The following WWOX variants were observed in gnomAD, a reference collection of about 807,000 sequenced individuals.
The protein encoded by WWOX is WW domain-containing oxidoreductase.
WWOX carries 69 observed loss-of-function variants against 46.2 expected under a neutral mutation model. That is an observed-to-expected ratio of 1.49 (90% CI 1.23 to 1.82). The LOEUF (loss-of-function observed/expected upper bound fraction) is 1.82, where lower values mean the gene tolerates loss of function less well. Ranked by LOEUF, WWOX falls within the 40% of genes most tolerant of loss-of-function variation. The probability of loss-of-function intolerance (pLI) is 0.00; values close to 1 mark genes in which losing one functional copy is unlikely to be tolerated. For missense variants in WWOX, 919 were observed against 542.6 expected, an observed-to-expected ratio of 1.69 and a Z score of -6.89; for synonymous variants, 359 against 202.6, an observed-to-expected ratio of 1.77 and a Z score of -6.56.
At chr16:78,759,096 G>A (rs1458466936) in intron 8 of WWOX, among the ~76,000 whole-genome samples, 1 of 152,114 alleles carries the variant, frequency 6.6e-6, no homozygotes, top group Non-Finnish European at 1.5e-5. Context: ...AGTACAAGTT[G>A]TATATGGGTG....
At chr16:78,991,687 C>G (rs1444175385) in intron 8 of WWOX, among the ~76,000 whole-genome samples, 1 of 151,838 alleles carries the variant, frequency 6.6e-6, no homozygotes, top group African/African-American at 2.4e-5. Flanking sequence ...ACCTCAGTTT[C>G]CTTTCCTATA....
At chr16:78,388,752 C>A (rs1229961120) in intron 6 of WWOX, among the ~76,000 whole-genome samples, 1 of 151,442 alleles carries the variant, frequency 6.6e-6, no homozygotes, top group Non-Finnish European at 1.5e-5. Context: ...GGCGGATCAC[C>A]TGAAGTCAGG....
At chr16:78,848,651 G>A (rs1289121839) in intron 8 of WWOX, among the ~76,000 whole-genome samples, 2 of 152,130 alleles carry the variant, frequency 1.3e-5, no homozygotes, top group African/African-American at 4.8e-5. Context: ...CTAATTAACA[G>A]ATTTGCCTAG....
At chr16:78,378,689 G>A (rs775049347) in intron 5 of WWOX, among the ~76,000 whole-genome samples, 4 of 152,182 alleles carry the variant, frequency 2.6e-5, no homozygotes, top group African/African-American at 4.8e-5. Flanking sequence ...AGGACTGAGA[G>A]TATGTAAAGC....
At chr16:78,117,270 A>C (rs909284439) in intron 4 of WWOX, among the ~76,000 whole-genome samples, 1 of 152,192 alleles carries the variant, frequency 6.6e-6, no homozygotes, top group Admixed American at 6.5e-5. Flanking sequence ...AGGATGGCAC[A>C]GATGTCGCAC....
intron 5 of WWOX, among the ~76,000 whole-genome samples, chr16:78,356,091 A>AAAAAAAAAAAAAAAG (rs1281293467): frequency 1.3e-5 from 1 of 76,700 alleles, no homozygotes. Context: ...AAAAAAAAAA[A>AAAAAAAAAAAAAAAG]AAGAAGAATC....
intron 8 of WWOX, among the ~76,000 whole-genome samples, chr16:78,814,762 G>A (rs921945771): frequency 2.6e-5 from 4 of 152,194 alleles, no homozygotes; most frequent in Non-Finnish European, 2.9e-5. Context: ...CAGTGTATAA[G>A]ACATTACAGC....
At chr16:78,404,397 A>G (rs901425090) in intron 6 of WWOX, among the ~76,000 whole-genome samples, 1 of 152,118 alleles carries the variant, frequency 6.6e-6, no homozygotes, top group African/African-American at 2.4e-5. Context: ...TTTGGGGCCC[A>G]TTATTATGAC....
chr16:79,022,507 A>G (rs1306659640), intron 8 of WWOX, among the ~76,000 whole-genome samples: 3 of 152,150 alleles, frequency 2.0e-5, no homozygotes, highest in African/African-American at 4.8e-5. Context: ...GTCCCATTAT[A>G]TTCCGAAAGC....
At chr16:78,966,753 T>C (rs768391083) in intron 8 of WWOX, among the ~76,000 whole-genome samples, 3 of 152,214 alleles carry the variant, frequency 2.0e-5, no homozygotes, top group Non-Finnish European at 4.4e-5. Context: ...TCTGCTGATA[T>C]CACTGAAAAT....
At chr16:78,320,966 T>C (rs187173604) in intron 5 of WWOX, among the ~76,000 whole-genome samples, 4 of 152,260 alleles carry the variant, frequency 2.6e-5, no homozygotes, top group Non-Finnish European at 4.4e-5. Context: ...TTGTTTACAA[T>C]TAGAGTCTGC....
intron 8 of WWOX, among the ~76,000 whole-genome samples, chr16:78,900,484 C>T (rs906948273): frequency 2.0e-5 from 3 of 152,152 alleles, no homozygotes; most frequent in Non-Finnish European, 4.4e-5. Flanking sequence ...GATCCTGCCT[C>T]ACAACTTTCA....
chr16:78,768,146 A>T, intron 8 of WWOX, among the ~76,000 whole-genome samples: 1 of 120,746 alleles, frequency 8.3e-6, no homozygotes. Context: ...TCCCTTTTTT[A>T]GGCTGCGGGG....
At chr16:78,481,473 A>T (rs1262703683) in intron 8 of WWOX, among the ~76,000 whole-genome samples, 1 of 152,096 alleles carries the variant, frequency 6.6e-6, no homozygotes, top group Non-Finnish European at 1.5e-5. Flanking sequence ...ATAGATGCTG[A>T]AGTTTTGATG....
intron 8 of WWOX, among the ~76,000 whole-genome samples, chr16:78,927,199 T>TGG (rs2045518118): frequency 6.6e-6 from 1 of 152,194 alleles, no homozygotes; most frequent in Non-Finnish European, 1.5e-5. Flanking sequence ...ATGAGGTATG[T>TGG]GGTACTCGTG....
intron 8 of WWOX, among the ~76,000 whole-genome samples, chr16:79,049,170 T>A (rs2048120342): frequency 6.6e-6 from 1 of 152,216 alleles, no homozygotes; most frequent in South Asian, 2.1e-4. Context: ...TCACAACTAT[T>A]CAGTTCTGCC....
chr16:78,778,406 C>A (rs918609933), intron 8 of WWOX, among the ~76,000 whole-genome samples: 1 of 152,106 alleles, frequency 6.6e-6, no homozygotes, highest in African/African-American at 2.4e-5. Context: ...ATAAATATGC[C>A]GGTATTGACA....
chr16:78,813,703 T>G (rs1351217747), intron 8 of WWOX, among the ~76,000 whole-genome samples: 1 of 152,208 alleles, frequency 6.6e-6, no homozygotes, highest in Non-Finnish European at 1.5e-5. Context: ...GATGTTTGTT[T>G]TCTACTACCT....
intron 5 of WWOX, among the ~76,000 whole-genome samples, chr16:78,188,767 T>C (rs1018140561): frequency 2.6e-5 from 4 of 152,130 alleles, no homozygotes; most frequent in African/African-American, 4.8e-5. Context: ...TCATGGCTAC[T>C]GGGGAGAAAT....
Sources: gnomAD v4.1 joint callset for allele counts (sites outside exome capture counted in the v4.1 genomes callset) on GRCh38, gnomAD v4.1.1 for gene constraint, MANE v1.5 for transcripts, NCBI Gene and HGNC (gene_info 2026-07-23, HGNC 2026-07-21) for gene names.